Variants in MAGI2 observed in about 807,000 individuals in gnomAD.
The protein encoded by MAGI2 is membrane associated guanylate kinase, WW and PDZ domain containing 2.
Under a neutral mutation model 133.3 loss-of-function variants are expected in MAGI2, and 35 were observed. That is an observed-to-expected ratio of 0.26 (90% confidence interval 0.20 to 0.35). The LOEUF is 0.35. Ranked by LOEUF, MAGI2 falls within the 10% of genes least tolerant of loss-of-function variation. The probability of loss-of-function intolerance (pLI) is 1.00; values close to 1 mark genes in which losing one functional copy is unlikely to be tolerated. For synonymous variants in MAGI2, 729 were observed against 710.6 expected (o/e 1.03, Z -0.41); for missense variants, 1,636 against 1,863.4 (o/e 0.88, Z 2.25).
At chr7:78,439,789 A>G (rs1787415885) in intron 6 of MAGI2, among the ~76,000 whole-genome samples, 2 of 152,156 alleles carry the variant, frequency 1.3e-5, no homozygotes, top group Admixed American at 6.6e-5. Flanking sequence ...GGATAAATGT[A>G]TCATCTTTTC....
chr7:79,394,017 A>G (rs190595234), intron 1 of MAGI2, among the ~76,000 whole-genome samples: 50 of 152,188 alleles, frequency 3.3e-4, no homozygotes, highest in African/African-American at 1.1e-3. Flanking sequence ...ATCAACATCA[A>G]CTCATCATGT....
At chr7:79,383,972 T>C (rs1843996337) in intron 1 of MAGI2, among the ~76,000 whole-genome samples, 1 of 151,530 alleles carries the variant, frequency 6.6e-6, no homozygotes, top group African/African-American at 2.4e-5. Context: ...AAATATATTC[T>C]AGGAAGAGAC....
At chr7:78,763,544 T>C (rs1824726723) in intron 2 of MAGI2, among the ~76,000 whole-genome samples, 1 of 152,202 alleles carries the variant, frequency 6.6e-6, no homozygotes, top group African/African-American at 2.4e-5. Context: ...TTATATACTC[T>C]GGCTTTTCTT....
At chr7:78,226,599 C>A (rs777209639) in intron 10 of MAGI2, among the ~76,000 whole-genome samples, 51 of 152,206 alleles carry the variant, frequency 3.4e-4, no homozygotes, top group Non-Finnish European at 6.9e-4. Flanking sequence ...TGTCTCCCAC[C>A]ACCGAAATTA....
chr7:79,085,728 A>G lies in MAGI2; in HGVS notation c.302-78522T>C, dbSNP rs138968187. Among the ~76,000 whole-genome samples the G allele has an allele frequency of 1.4e-4, 21 of 151,884 alleles. No homozygotes were observed. The East Asian group carries it at 3.7e-3, about 27-fold the overall frequency. On this transcript the variant is annotated intron_variant, in intron 1 of 21. Transcript: ENST00000354212. Reference sequence around the variant, plus strand: ...TTTCTTGGACTTATTTAAAGTCTTTATGCTTTGTTGTGTATGGCTGCTAAC... The same window carrying G: ...TTTCTTGGACTTATTTAAAGTCTTTGTGCTTTGTTGTGTATGGCTGCTAAC...
chr7:79,057,484 T>C (rs983452697), intron 1 of MAGI2, among the ~76,000 whole-genome samples: 3 of 152,242 alleles, frequency 2.0e-5, no homozygotes, highest in African/African-American at 4.8e-5. Flanking sequence ...TTGTTTCTAA[T>C]ATGTAAGCTT....
intron 2 of MAGI2, among the ~76,000 whole-genome samples, chr7:78,874,403 A>G (rs1247120984): frequency 1.3e-5 from 2 of 152,222 alleles, no homozygotes; most frequent in African/African-American, 4.8e-5. Flanking sequence ...AATATTAGAG[A>G]TAGGGTTCTG....
At chr7:78,452,690 A>C (rs900438691) in intron 6 of MAGI2, among the ~76,000 whole-genome samples, 5 of 151,730 alleles carry the variant, frequency 3.3e-5, no homozygotes, top group Non-Finnish European at 7.4e-5. Context: ...ATAGAGAAAA[A>C]TTCAGTTAAA....
intron 2 of MAGI2, among the ~76,000 whole-genome samples, chr7:78,886,875 G>A (rs989941593): frequency 1.6e-4 from 24 of 152,118 alleles, no homozygotes; most frequent in African/African-American, 5.8e-4. Flanking sequence ...TAAGATGAGG[G>A]AGGGACCTTG....
At chr7:78,171,063 G>C (rs1049968693) in intron 14 of MAGI2, 1 of 152,126 alleles carries the variant, frequency 6.6e-6, no homozygotes, top group Non-Finnish European at 1.5e-5. Context: ...CTGCCGCTGT[G>C]CTCCTTAGCC....
intron 6 of MAGI2, among the ~76,000 whole-genome samples, chr7:78,388,781 T>A (rs1175684528): frequency 1.3e-5 from 2 of 152,204 alleles, no homozygotes; most frequent in South Asian, 2.1e-4. Context: ...TGACTATTTT[T>A]AAAGATATGG....
chr7:78,667,514 A>G (rs1353219166), intron 2 of MAGI2, among the ~76,000 whole-genome samples: 5 of 151,494 alleles, frequency 3.3e-5, no homozygotes, highest in South Asian at 4.2e-4. Flanking sequence ...AGCATTAGGT[A>G]TATCTCCTAA....
chr7:79,134,091 T>C (rs1821169728), intron 1 of MAGI2, among the ~76,000 whole-genome samples: 2 of 152,178 alleles, frequency 1.3e-5, no homozygotes, highest in South Asian at 4.1e-4. Flanking sequence ...AACCAAAATC[T>C]CAAATGATTA....
At chr7:78,263,230 C>T (rs1793684543) in intron 9 of MAGI2, among the ~76,000 whole-genome samples, 1 of 152,124 alleles carries the variant, frequency 6.6e-6, no homozygotes. Context: ...TGGTAGGCAC[C>T]TAGATTGATT....
chr7:79,204,255 G>A (rs1828851092), intron 1 of MAGI2, among the ~76,000 whole-genome samples: 1 of 152,028 alleles, frequency 6.6e-6, no homozygotes, highest in Non-Finnish European at 1.5e-5. Flanking sequence ...ACTGTTCCAG[G>A]CTTCAGGCTT....
chr7:79,129,554 A>G (rs1373899091), intron 1 of MAGI2, among the ~76,000 whole-genome samples: 1 of 152,168 alleles, frequency 6.6e-6, no homozygotes, highest in Non-Finnish European at 1.5e-5. Flanking sequence ...TTGCAATTAT[A>G]TTTATTACAA....
chr7:79,156,223 A>G (rs1385347838), intron 1 of MAGI2, among the ~76,000 whole-genome samples: 1 of 152,156 alleles, frequency 6.6e-6, no homozygotes, highest in South Asian at 2.1e-4. Context: ...TTATGTAACA[A>G]AGAAGAAAAT....
chr7:78,444,956 T>C (rs1025574610), intron 6 of MAGI2, among the ~76,000 whole-genome samples: 2 of 150,782 alleles, frequency 1.3e-5, no homozygotes, highest in Non-Finnish European at 1.5e-5. Context: ...TATGTAGATA[T>C]AGTACATATA....
At chr7:78,500,363 A>G (rs1794509713) in intron 5 of MAGI2, among the ~76,000 whole-genome samples, 1 of 152,196 alleles carries the variant, frequency 6.6e-6, no homozygotes, top group African/African-American at 2.4e-5. Flanking sequence ...TAAAAACTTC[A>G]ATTTCTATTA....
Sources: allele counts gnomAD v4.1 joint callset (sites outside exome capture counted in the v4.1 genomes callset), GRCh38; gene constraint gnomAD v4.1.1; transcripts MANE v1.5; gene names NCBI Gene and HGNC (gene_info 2026-07-23, HGNC 2026-07-21).